The following NT5DC1 variants were observed in gnomAD, a reference collection of about 807,000 sequenced individuals.
NT5DC1 encodes the protein 5'-nucleotidase domain-containing protein 1.
NT5DC1 carries 42 observed loss-of-function variants against 59.4 expected under a neutral mutation model. That is an observed-to-expected ratio of 0.71 (90% CI 0.55 to 0.92). NT5DC1 has a LOEUF of 0.92. NT5DC1 is among the 40% of genes least tolerant of loss of function. The pLI is 0.00. For missense variants in NT5DC1, 501 were observed against 537.1 expected, an observed-to-expected ratio of 0.93 and a Z score of 0.66; for synonymous variants, 172 against 188.1, an observed-to-expected ratio of 0.91 and a Z score of 0.70.
rs963592852 is a variant in NT5DC1, at chr6:116,203,851, A to G, written c.530-17203A>G. On this transcript the variant is annotated intron_variant, in intron 6 of 11. Coordinates refer to ENST00000319550, the MANE Select transcript of NT5DC1 (RefSeq NM_152729.3). ...GAGTTCCAGATACCTTATATTCTCA[A>G]TATCTTCACCAGTACTTGATGTTGT... 3.5e-4 allele frequency among the ~76,000 whole-genome samples: 53 copies of G among 151,926 alleles called. 1 individual carries two copies. The highest frequency in any genetic ancestry group is 3.4e-3 in the Admixed American group (52 of 15,218).
intron 6 of NT5DC1, among the ~76,000 whole-genome samples, chr6:116,211,644 T>C (rs1781579914): frequency 6.6e-6 from 1 of 152,072 alleles, no homozygotes. Flanking sequence ...GTAAAAAATA[T>C]AGAGTCCACG....
chr6:116,207,303 G>A (rs945708981), intron 6 of NT5DC1, among the ~76,000 whole-genome samples: 1 of 74,368 alleles, frequency 1.3e-5, no homozygotes, highest in African/African-American at 1.0e-4. Context: ...GATCAATAGA[G>A]TCTATAGCTA....
chr6:116,206,564 T>C (rs1781455851), intron 6 of NT5DC1, among the ~76,000 whole-genome samples: 1 of 151,958 alleles, frequency 6.6e-6, no homozygotes, highest in African/African-American at 2.4e-5. Context: ...GCTCTGAAGC[T>C]TTTCAGTAGA....
chr6:116,144,228 G>A (rs377445875), intron 6 of NT5DC1, among the ~76,000 whole-genome samples: 1 of 152,256 alleles, frequency 6.6e-6, no homozygotes, highest in East Asian at 1.9e-4. Context: ...AGGAGGCCAG[G>A]CACAGTGGCT....
intron 8 of NT5DC1, among the ~76,000 whole-genome samples, chr6:116,225,366 T>C (rs1182793620): frequency 6.6e-6 from 1 of 152,174 alleles, no homozygotes; most frequent in Non-Finnish European, 1.5e-5. Context: ...TGAAACCAAA[T>C]ATTGAGAGAA....
intron 6 of NT5DC1, among the ~76,000 whole-genome samples, chr6:116,187,494 T>G (rs1781026037): frequency 6.6e-6 from 1 of 152,080 alleles, no homozygotes; most frequent in African/African-American, 2.4e-5. Context: ...AGTAATTTGG[T>G]CAGAGTGCTT....
Position 116,125,945 on chromosome 6 carries a change from T to TA in NT5DC1, c.529+8003dup, listed in dbSNP as rs576974731. 2.1e-3 allele frequency: 338 copies of TA among 158,646 alleles called. 1 individual carries two copies. The highest frequency in any genetic ancestry group is 7.6e-3 in the African/African-American group (315 of 41,608). 9.8% of individuals were successfully genotyped at this position (158,646 alleles called of 1,614,324 possible). On this transcript the variant is annotated intron_variant, in intron 6 of 11. Transcript: ENST00000319550. ...TGCATTTTAGTAGAAACCCATTTTT[T>TA]AAATCACTTTAATACTTCTAATACT... is the stretch of plus-strand genomic sequence containing the variant.
At chr6:116,137,133 C>A in intron 6 of NT5DC1, 1 of 208,610 alleles carries the variant, frequency 4.8e-6, no homozygotes. Context: ...GGTGGGGTCT[C>A]CTTTTCTGCA....
chr6:116,243,915 C>T lies in NT5DC1; in HGVS notation c.1259C>T (p.Pro420Leu). Residue 420 changes from proline to leucine, a missense_variant, in exon 12 of 12, where the codon CCT becomes CTT. Coordinates refer to ENST00000319550, the MANE Select transcript of NT5DC1 (RefSeq NM_152729.3). ...IPSIEAIAEL[P>L]LDYKFTRFSS... ...ATTTTTTTTTCCTCCCCAGAATTAC[C>T]TCTGGACTACAAATTTACAAGATTC... 3 of 1,438,122 alleles carry T rather than the reference C, an allele frequency of 2.1e-6. No homozygotes were observed. The highest frequency in any genetic ancestry group is 2.9e-6 in the Non-Finnish European group (3 of 1,030,414). The allele number at this position is 1,438,122 out of a possible 1,614,324, so 89.1% of individuals were successfully genotyped here.
chr6:116,168,578 T>C (rs567179066), intron 6 of NT5DC1, among the ~76,000 whole-genome samples: 1 of 152,296 alleles, frequency 6.6e-6, no homozygotes, highest in South Asian at 2.1e-4. Context: ...CTTCATGCCA[T>C]AGGAGCTGCT....
At chr6:116,143,594 A>G (rs1779818850) in intron 6 of NT5DC1, among the ~76,000 whole-genome samples, 1 of 152,150 alleles carries the variant, frequency 6.6e-6, no homozygotes, top group Non-Finnish European at 1.5e-5. Flanking sequence ...AAAATTTCCA[A>G]GTCACACTGT....
chr6:116,196,773 C>T (rs1324901491), intron 6 of NT5DC1, among the ~76,000 whole-genome samples: 1 of 151,868 alleles, frequency 6.6e-6, no homozygotes, highest in Non-Finnish European at 1.5e-5. Flanking sequence ...ACTCTCTCCA[C>T]CTTTTCCTCT....
chr6:116,191,397 A>C (rs1309984055), intron 6 of NT5DC1, among the ~76,000 whole-genome samples: 2 of 151,962 alleles, frequency 1.3e-5, no homozygotes, highest in African/African-American at 4.8e-5. Context: ...TCTCTCTGGA[A>C]GGGGAAGGAG....
At chr6:116,117,539 A>G (rs1419152274) in intron 5 of NT5DC1, among the ~76,000 whole-genome samples, 3 of 152,202 alleles carry the variant, frequency 2.0e-5, no homozygotes, top group Non-Finnish European at 4.4e-5. Flanking sequence ...AGCCTAGCTT[A>G]TCTTAAACAT....
intron 6 of NT5DC1, among the ~76,000 whole-genome samples, chr6:116,168,628 ATTGT>A (rs1000714882): frequency 2.7e-5 from 4 of 148,132 alleles, no homozygotes; most frequent in South Asian, 2.1e-4. Context: ...CCTTTTTTTG[ATTGT>A]TTGTTTTGTT....
At chr6:116,223,008 C>G in intron 7 of NT5DC1, 26 bp from the exon 8 acceptor site, 1 of 1,231,912 alleles carries the variant, frequency 8.1e-7, no homozygotes, top group Non-Finnish European at 1.2e-6. Flanking sequence ...TTAAAATAAA[C>G]TTATGAAAAA....
intron 6 of NT5DC1, among the ~76,000 whole-genome samples, chr6:116,182,222 A>AGAGTGTGTGTGTGTGTGTGTGTGT (rs148509481): frequency 3.6e-4 from 45 of 124,684 alleles, no homozygotes; most frequent in South Asian, 1.7e-3. Flanking sequence ...TTCCATGGAG[A>AGAGTGTGTGTGTGTGTGTGTGTGT]GTGTGTGTGT....
chr6:116,221,437 C>T (rs897966717), intron 7 of NT5DC1, among the ~76,000 whole-genome samples: 1 of 152,142 alleles, frequency 6.6e-6, no homozygotes, highest in Non-Finnish European at 1.5e-5. Flanking sequence ...TATTGGGGAC[C>T]AGTATGCTCA....
At chr6:116,151,709 T>C (rs889641079) in intron 6 of NT5DC1, among the ~76,000 whole-genome samples, 1 of 152,214 alleles carries the variant, frequency 6.6e-6, no homozygotes, top group African/African-American at 2.4e-5. Context: ...TTCCCACTTA[T>C]AATGGGAATT....
Sources: gnomAD v4.1 joint callset for allele counts (sites outside exome capture counted in the v4.1 genomes callset) on GRCh38, gnomAD v4.1.1 for gene constraint, MANE v1.5 for transcripts, NCBI Gene and HGNC (gene_info 2026-07-23, HGNC 2026-07-21) for gene names.